ZNF641: variants seen among roughly 807,000 people sequenced by gnomAD.
ZNF641 encodes the protein zinc finger protein 641.
Under a neutral mutation model 46.2 loss-of-function variants are expected in ZNF641, and 26 were observed. The ratio of observed to expected loss-of-function variants is 0.56; its 90% CI spans 0.41 to 0.78. The LOEUF (loss-of-function observed/expected upper bound fraction) is 0.78, where lower values mean the gene tolerates loss of function less well. ZNF641 is among the 30% of genes least tolerant of loss of function. The pLI is 0.00. For missense variants in ZNF641, 469 were observed against 517.8 expected, an observed-to-expected ratio of 0.91 and a Z score of 0.91; for synonymous variants, 163 against 187.9, an observed-to-expected ratio of 0.87 and a Z score of 1.09.
Position 48,340,096 on chromosome 12 carries a change from G to A in ZNF641, c.*2877C>T, listed in dbSNP as rs1198275499. Reference sequence around the variant, plus strand: ...TGAACATTTGAGGCTGATTCCCTGTGGGAAAAATCATTCAAATCTATTCAC... The same window carrying A: ...TGAACATTTGAGGCTGATTCCCTGTAGGAAAAATCATTCAAATCTATTCAC... On this transcript the variant is annotated 3_prime_UTR_variant, in exon 6 of 6. Transcript: ENST00000547026. The A allele has an allele frequency of 3.0e-6, 3 of 985,296 alleles. No homozygotes were observed. The Admixed American group carries it at 1.8e-4, about 61-fold the overall frequency. The allele number at this position is 985,296 out of a possible 1,614,324, so 61.0% of individuals were successfully genotyped here. A position where few individuals can be genotyped will look rare whatever the true frequency, so the allele number is the denominator to read the frequency against.
At position 48,342,874 on chromosome 12, in the gene ZNF641, T is replaced by C. The variant is rs1426410353; in HGVS notation, c.*99A>G. 4.0e-6 allele frequency: 6 copies of C among 1,497,484 alleles called. No individual in the cohort carries two copies. The highest frequency in any genetic ancestry group is 5.3e-6 in the Non-Finnish European group (6 of 1,132,608). The allele number at this position is 1,497,484 out of a possible 1,614,324, so 92.8% of individuals were successfully genotyped here. On this transcript the variant is annotated 3_prime_UTR_variant, in exon 6 of 6. Transcript: ENST00000547026. ...TTTCTAGGGATGGGGTCAGGGCTTA[T>C]GATTCTGGCCACTGGGGTTCAGGAG...
intron 1 of ZNF641, chr12:48,350,210 G>A: frequency 6.7e-7 from 1 of 1,499,722 alleles, no homozygotes; most frequent in Non-Finnish European, 8.9e-7. Context: ...CATATGGGTA[G>A]CAAGGGACCT....
At position 48,347,827 on chromosome 12, in the gene ZNF641, T is replaced by G. The variant is rs1952922056; in HGVS notation, c.184+80A>C. On this transcript the variant is annotated intron_variant, in intron 2 of 5. Transcript: ENST00000547026. ...TTATGCTATTTAGTCCATGGCAATT[T>G]GGAGATTTTTAACCCTACTTTTGGA... The G allele has an allele frequency of 2.2e-6, 3 of 1,390,314 alleles. No homozygotes were observed. The African/African-American group carries it at 4.3e-5, about 20-fold the overall frequency. 86.1% of individuals were successfully genotyped at this position (1,390,314 alleles called of 1,614,324 possible).
chr12:48,350,203 A>T, intron 1 of ZNF641: 9 of 1,521,368 alleles, frequency 5.9e-6, no homozygotes, highest in Non-Finnish European at 6.2e-6. Flanking sequence ...CTTCACACAT[A>T]TGGGTAGCAA....
At chr12:48,346,058 T>C (rs1300840245) in intron 3 of ZNF641, among the ~76,000 whole-genome samples, 1 of 151,986 alleles carries the variant, frequency 6.6e-6, no homozygotes, top group African/African-American at 2.4e-5. Context: ...CACCCACCAC[T>C]ACACCCAGCT....
At chr12:48,348,376 C>T (rs60167940) in intron 1 of ZNF641, among the ~76,000 whole-genome samples, 4,363 of 151,888 alleles carry the variant, frequency 0.029, 237 homozygotes, top group African/African-American at 0.099. Context: ...ACAGAATATA[C>T]CTGAAGGTTA....
chr12:48,339,886 A>C lies in ZNF641; in HGVS notation c.*3087T>G, dbSNP rs1952680077. On this transcript the variant is annotated 3_prime_UTR_variant, in exon 6 of 6. Transcript: ENST00000547026. The stretch of plus-strand genomic sequence containing the variant: ...GTGAAAAGCTAACACTTTCGGTTAC[A>C]GTCTCCTATGCAAGGGATTCTTTGA... 1.0e-6 allele frequency: 1 copy of C among 966,170 alleles called. No homozygotes were observed. Among genetic ancestry groups the C allele is most frequent in the Non-Finnish European group, 1.2e-6 (1 of 812,286 alleles). 59.8% of individuals were successfully genotyped at this position (966,170 alleles called of 1,614,324 possible). A position where few individuals can be genotyped will look rare whatever the true frequency, so the allele number is the denominator to read the frequency against.
Position 48,343,688 on chromosome 12 carries a change from T to C in ZNF641, c.560A>G (p.Glu187Gly). 9 of 1,524,832 alleles carry C rather than the reference T, an allele frequency of 5.9e-6. No individual in the cohort carries two copies. The highest frequency in any genetic ancestry group is 7.9e-6 in the Non-Finnish European group (9 of 1,137,032). 94.5% of individuals were successfully genotyped at this position (1,524,832 alleles called of 1,614,324 possible). ...SEHEGDTPEL[E>G]AEPPRMLSSV... is the part of the protein sequence containing the mutation. ...GGATAACATTCTGGGAGGTTCTGCT[T>C]CTAGTTCAGGGGTATCCCCCTCATG... The change falls in exon 6 of 6, where the codon GAA becomes GGA. Residue 187 changes from glutamate (E) to glycine (G), a missense_variant. Coordinates refer to ENST00000547026, the MANE Select transcript of ZNF641 (RefSeq NM_001172681.2).
In ZNF641 at chr12:48,344,658, T is replaced by G. The variant is rs969382236; in HGVS notation, c.461A>C (p.Gln154Pro). 6.2e-7 allele frequency: 1 copy of G among 1,613,848 alleles called. No homozygotes were observed. The highest frequency in any genetic ancestry group is 1.3e-5 in the African/African-American group (1 of 75,050). Reference sequence around the variant, plus strand: ...TAAGTCCTGGGGGTCAGGGACCCATTGTTCTTCTCCTCCTTCTAGTTGAGA... The same window carrying G: ...TAAGTCCTGGGGGTCAGGGACCCATGGTTCTTCTCCTCCTTCTAGTTGAGA... The part of the protein sequence containing the change: ...MLSQLEGGEE[Q>P]WVPDPQDLEE... The change falls in exon 5 of 6, where the codon CAA becomes CCA. Residue 154 changes from glutamine (Q) to proline (P), a missense_variant. This residue lies in a region of ZNF641 where 346 missense variants were observed against 354.0 expected (regional missense o/e 0.98). Coordinates refer to ENST00000547026, the MANE Select transcript of ZNF641 (RefSeq NM_001172681.2).
chr12:48,350,915 CA>C lies in ZNF641; in HGVS notation c.-156del. The C allele has an allele frequency of 7.3e-6, 7 of 962,454 alleles. No individual in the cohort carries two copies. Among genetic ancestry groups the C allele is most frequent in the Non-Finnish European group, 8.7e-6 (7 of 809,046 alleles). The allele number at this position is 962,454 out of a possible 1,614,324, so 59.6% of individuals were successfully genotyped here. On this transcript the variant is annotated 5_prime_UTR_variant, in exon 1 of 6. Transcript: ENST00000547026. ...GCGACAGGCGGAGACGGCGGCCCGG[CA>C]GGCGCGGGCGGGGCGGGGCGGGCAC...
rs533708982 is a variant in ZNF641 at position 48,340,989 on chromosome 12, T to G, written c.*1984A>C. The G allele has an allele frequency of 7.6e-5, 75 of 985,292 alleles. No individual in the cohort carries two copies. Among genetic ancestry groups the G allele is most frequent in the Admixed American group, 6.1e-5 (1 of 16,266 alleles). The allele number at this position is 985,292 out of a possible 1,614,324, so 61.0% of individuals were successfully genotyped here. A position where few individuals can be genotyped will look rare whatever the true frequency, so the allele number is the denominator to read the frequency against. ...TTCATAGGATCATAAGCAAGAGAAC[T>G]GCATTCCAGGAAGAATGAAGGAAGA... On this transcript the variant is annotated 3_prime_UTR_variant, in exon 6 of 6. Transcript: ENST00000547026.
At chr12:48,345,668 A>T (rs1218832588) in intron 3 of ZNF641, among the ~76,000 whole-genome samples, 194 bp from the exon 4 acceptor site, 3 of 152,158 alleles carry the variant, frequency 2.0e-5, no homozygotes, top group African/African-American at 7.2e-5. Flanking sequence ...ATGGTCAAGG[A>T]GTGAGTGAGT....
intron 3 of ZNF641, 46 bp downstream of exon 3, chr12:48,347,206 C>G: frequency 6.2e-7 from 1 of 1,613,418 alleles, no homozygotes; most frequent in Non-Finnish European, 8.5e-7. Flanking sequence ...AATACAAAGG[C>G]AGCAGTGATG....
intron 1 of ZNF641, chr12:48,349,941 C>G (rs1334463459): frequency 5.1e-6 from 7 of 1,369,602 alleles, no homozygotes; most frequent in Non-Finnish European, 7.3e-6. Flanking sequence ...TAATGGGAAG[C>G]CTCTTTGTGC....
At position 48,342,833 on chromosome 12, in the gene ZNF641, T is replaced by A; in HGVS notation, c.*140A>T. The A allele has an allele frequency of 6.9e-7, 1 of 1,443,624 alleles. No individual in the cohort carries two copies. Among genetic ancestry groups the A allele is most frequent in the Non-Finnish European group, 9.1e-7 (1 of 1,103,764 alleles). The allele number at this position is 1,443,624 out of a possible 1,614,324, so 89.4% of individuals were successfully genotyped here. A position where few individuals can be genotyped will look rare whatever the true frequency, so the allele number is the denominator to read the frequency against. ...GAACTGGTGAGAAATGCTCTGGCCA[T>A]TGCTGGGACCTCATCTTTCTAGGGA... On this transcript the variant is annotated 3_prime_UTR_variant, in exon 6 of 6. Coordinates refer to ENST00000547026, the MANE Select transcript of ZNF641 (RefSeq NM_001172681.2).
In ZNF641 at chr12:48,345,425, C is replaced by T; in HGVS notation, c.326G>A (p.Trp109Ter). The change falls in exon 4 of 6, where the codon TGG (tryptophan) becomes TAG (stop). Residue 109 changes from tryptophan (W) to a stop codon, truncating the protein, a stop_gained. Transcript: ENST00000547026. LOFTEE classifies it high-confidence loss of function. ...DVSLCFSQEE[W>*]RSLDPSQTDF... The stretch of plus-strand genomic sequence containing the variant: ...TGTCTGAGAGGGGTCCAGGCTCCGC[C>T]ACTCCTCCTGAGAGAAGCACAGTGA... 6.2e-7 allele frequency: 1 copy of T among 1,614,198 alleles called. No individual in the cohort carries two copies. The highest frequency in any genetic ancestry group is 8.5e-7 in the Non-Finnish European group (1 of 1,180,020).
rs1952684406 is a variant in ZNF641, at chr12:48,340,078, T to C, written c.*2895A>G. 1.0e-6 allele frequency: 1 copy of C among 984,934 alleles called. No homozygotes were observed. Among genetic ancestry groups the C allele is most frequent in the African/African-American group, 1.8e-5 (1 of 56,950 alleles). 61.0% of individuals were successfully genotyped at this position (984,934 alleles called of 1,614,324 possible). ...AGGGGACGGGGTGAAACATGAACATTTGAGGCTGATTCCCTGTGGGAAAAA... is the reference window on the plus strand; with the variant it reads ...AGGGGACGGGGTGAAACATGAACATCTGAGGCTGATTCCCTGTGGGAAAAA... On this transcript the variant is annotated 3_prime_UTR_variant, in exon 6 of 6. Coordinates refer to ENST00000547026, the MANE Select transcript of ZNF641 (RefSeq NM_001172681.2).
intron 4 of ZNF641, 126 bp downstream of exon 4, chr12:48,345,219 C>T (rs976044646): frequency 1.3e-5 from 14 of 1,053,572 alleles, no homozygotes; most frequent in African/African-American, 6.3e-5. Context: ...CTTTCTCCAG[C>T]GGAAGCATAG....
At position 48,337,410 on chromosome 12, in the gene ZNF641, G is replaced by A. The variant is rs902049077; in HGVS notation, c.*5563C>T. The A allele has an allele frequency of 6.6e-5, 10 of 152,326 alleles. No individual in the cohort carries two copies. Among genetic ancestry groups the A allele is most frequent in the African/African-American group, 2.4e-4 (10 of 41,460 alleles). 9.4% of individuals were successfully genotyped at this position (152,326 alleles called of 1,614,324 possible). ...GAGACAAGGCAGGAAAGTGGTGGTG[G>A]GGGAGGGCTTGGCTGAAGAACACAC... On this transcript the variant is annotated 3_prime_UTR_variant, in exon 6 of 6. Coordinates refer to ENST00000547026, the MANE Select transcript of ZNF641 (RefSeq NM_001172681.2).
Sources: gnomAD v4.1 joint callset for allele counts (sites outside exome capture counted in the v4.1 genomes callset) on GRCh38, gnomAD v4.1.1 for gene constraint, gnomAD v4.1.1 regional missense constraint, MANE v1.5 for transcripts, NCBI Gene and HGNC (gene_info 2026-07-23, HGNC 2026-07-21) for gene names.